PRAME: variants seen among roughly 807,000 people sequenced by gnomAD.
The protein encoded by PRAME is PRAME nuclear receptor transcriptional regulator.
A neutral mutation model predicts 32.1 loss-of-function variants in PRAME; 21 were observed. That is an observed-to-expected ratio of 0.65 (90% CI 0.46 to 0.94). The LOEUF is 0.94. PRAME is among the 40% of genes least tolerant of loss of function. PRAME has a pLI of 0.00. For missense variants in PRAME, 651 were observed against 622.3 expected (o/e 1.05, Z -0.49); for synonymous variants, 274 against 251.5 (o/e 1.09, Z -0.85).
chr22:22,549,513 A>G (rs758303929), intron 5 of PRAME, among the ~76,000 whole-genome samples: 3 of 151,940 alleles, frequency 2.0e-5, no homozygotes, highest in Non-Finnish European at 2.9e-5. Flanking sequence ...AGTCACTGTT[A>G]ATAGCATCTA....
chr22:22,554,986 T>C (rs1298156649), intron 3 of PRAME, among the ~76,000 whole-genome samples: 3 of 151,974 alleles, frequency 2.0e-5, no homozygotes, highest in African/African-American at 7.2e-5. Flanking sequence ...TGCCAGTTTG[T>C]CCAGTGGCAC....
Position 22,550,852 on chromosome 22 carries a change from T to C in PRAME, c.259A>G (p.Met87Val). ...PFTCLPLGVLMKGQHLHLETF... is the reference protein window; with the variant it reads ...PFTCLPLGVLVKGQHLHLETF... ...TCCAGGTGAAGATGTTGTCCCTTCA[T>C]CAGCACTCCCAGAGGGAGGCAGGTG... Residue 87 changes from methionine (M) to valine (V), a missense_variant, in exon 4 of 6, where the codon ATG becomes GTG. By Grantham distance (21) the Met-to-Val change is conservative. Coordinates refer to ENST00000405655, the MANE Select transcript of PRAME (RefSeq NM_206956.3). 1 of 1,613,496 alleles carries C rather than the reference T, an allele frequency of 6.2e-7. No individual in the cohort carries two copies. Among genetic ancestry groups the C allele is most frequent in the Non-Finnish European group, 8.5e-7 (1 of 1,179,728 alleles).
At chr22:22,551,191 C>G (rs1234255215) in intron 3 of PRAME, 102 bp from the exon 4 acceptor site, 2 of 1,104,562 alleles carry the variant, frequency 1.8e-6, no homozygotes, top group African/African-American at 3.2e-5. Flanking sequence ...GCCAAAGTCA[C>G]TGTGCTAGCA....
intron 3 of PRAME, among the ~76,000 whole-genome samples, chr22:22,553,352 GT>G (rs1569224732): frequency 6.6e-6 from 1 of 151,968 alleles, no homozygotes; most frequent in Non-Finnish European, 1.5e-5. Context: ...AGGAAGGTGG[GT>G]CAAAATTACA....
chr22:22,556,166 A>T (rs769003600), intron 3 of PRAME, among the ~76,000 whole-genome samples: 4 of 150,320 alleles, frequency 2.7e-5, no homozygotes, highest in East Asian at 2.0e-4. Context: ...CGCCCAGCTA[A>T]TTTTTTTTCT....
intron 2 of PRAME, chr22:22,557,139 C>T (rs1020126925): frequency 1.0e-5 from 5 of 481,452 alleles, no homozygotes; most frequent in African/African-American, 5.9e-5. Flanking sequence ...CACAAGTGAC[C>T]CCTGTGGTCA....
intron 3 of PRAME, chr22:22,555,935 C>T (rs764760115): frequency 1.7e-5 from 8 of 469,374 alleles, no homozygotes; most frequent in Non-Finnish European, 2.7e-5. Flanking sequence ...CTGATTACCC[C>T]GGGGAAAGGT....
chr22:22,555,589 G>C (rs940637792), intron 3 of PRAME, among the ~76,000 whole-genome samples: 1 of 151,706 alleles, frequency 6.6e-6, no homozygotes, highest in Non-Finnish European at 1.5e-5. Flanking sequence ...GACTGGTCTT[G>C]AACTCCTGGG....
At position 22,548,777 on chromosome 22, in the gene PRAME, G is replaced by A. The variant is rs1044979137; in HGVS notation, c.954-134C>T. 11 of 774,850 alleles carry A rather than the reference G, an allele frequency of 1.4e-5. No homozygotes were observed. In the African/African-American group the frequency reaches 1.9e-4, roughly 14 times the overall value. The allele number at this position is 774,850 out of a possible 1,614,324, so 48.0% of individuals were successfully genotyped here. A position where few individuals can be genotyped will look rare whatever the true frequency, so the allele number is the denominator to read the frequency against. ...CGCCAGGATGCCATGCTGTAACGGA[G>A]CATTCAAGGAGTACAAGTTCAGGTT... On this transcript the variant is annotated intron_variant, in intron 5 of 5. Transcript: ENST00000405655.
At chr22:22,554,250 C>G in intron 3 of PRAME, 1 of 985,040 alleles carries the variant, frequency 1.0e-6, no homozygotes, top group Non-Finnish European at 1.2e-6. Flanking sequence ...CTGTGAAGTC[C>G]CTACAATTCT....
intron 3 of PRAME, among the ~76,000 whole-genome samples, chr22:22,554,451 C>T (rs998520295): frequency 2.0e-5 from 3 of 151,932 alleles, no homozygotes; most frequent in African/African-American, 7.3e-5. Context: ...ACAATTTGTT[C>T]TACATTTCCT....
rs1343978881 is a variant in PRAME at position 22,559,219 on chromosome 22, C to A, written c.-362G>T. 2 of 295,908 alleles carry A rather than the reference C, an allele frequency of 6.8e-6. No homozygotes were observed. Among genetic ancestry groups the A allele is most frequent in the Non-Finnish European group, 1.3e-5 (2 of 150,894 alleles). 18.3% of individuals were successfully genotyped at this position (295,908 alleles called of 1,614,324 possible). On this transcript the variant is annotated 5_prime_UTR_variant, in exon 1 of 6. Coordinates refer to ENST00000405655, the MANE Select transcript of PRAME (RefSeq NM_206956.3). ...GGGAAGCGGGTGGGGTGTCCCGGAG[C>A]GGTGCTGAGGCGCTGCAGGCCCGGC...
At chr22:22,552,216 T>C (rs1410247463) in intron 3 of PRAME, among the ~76,000 whole-genome samples, 1 of 151,046 alleles carries the variant, frequency 6.6e-6, no homozygotes, top group Non-Finnish European at 1.5e-5. Flanking sequence ...TTTTTAACCT[T>C]TTAGTTAAAA....
At chr22:22,555,668 C>T (rs2062862475) in intron 3 of PRAME, among the ~76,000 whole-genome samples, 1 of 151,886 alleles carries the variant, frequency 6.6e-6, no homozygotes, top group African/African-American at 2.4e-5. Flanking sequence ...CCAACAGCAC[C>T]CGAGCACGGT....
At chr22:22,552,354 A>G (rs1414116155) in intron 3 of PRAME, among the ~76,000 whole-genome samples, 1 of 151,068 alleles carries the variant, frequency 6.6e-6, no homozygotes, top group South Asian at 2.1e-4. Context: ...CTTGCCACAT[A>G]CTATTTAAAT....
intron 3 of PRAME, chr22:22,555,742 A>G (rs1166708056): frequency 9.7e-6 from 4 of 411,560 alleles, no homozygotes; most frequent in Non-Finnish European, 2.1e-5. Context: ...TCCCGGCTTC[A>G]ACCCAGGTTG....
In PRAME at chr22:22,549,863, T is replaced by A. The variant is rs773172156; in HGVS notation, c.816A>T (p.Ala272=). 6.2e-7 allele frequency: 1 copy of A among 1,613,786 alleles called. No individual in the cohort carries two copies. The highest frequency in any genetic ancestry group is 8.5e-7 in the Non-Finnish European group (1 of 1,179,956). Residue 272 remains alanine (A), a synonymous_variant, in exon 5 of 6, where the codon GCA becomes GCT. Coordinates refer to ENST00000405655, the MANE Select transcript of PRAME (RefSeq NM_206956.3). ...CCTTCTCCGGGGAAATGTAGGAAGA[T>A]GCATGGATGTGGGAGAGGAGGAGTC... ...LRRLLLSHIH[A]SSYISPEKEE... is the part of the protein sequence containing the mutation.
chr22:22,552,983 T>G (rs1408668373), intron 3 of PRAME: 1 of 468,898 alleles, frequency 2.1e-6, no homozygotes, highest in East Asian at 7.0e-5. Context: ...CTAATTACAT[T>G]CCTGGATCTC....
At position 22,556,926 on chromosome 22, in the gene PRAME, A is replaced by C; in HGVS notation, c.-77-17T>G. On this transcript the variant is annotated splice_polypyrimidine_tract_variant and intron_variant, in intron 2 of 5. Coordinates refer to ENST00000405655, the MANE Select transcript of PRAME (RefSeq NM_206956.3). ...CACGCACGTCTGAGAGTAATAATCA[A>C]AATGCTCCAAAAAGAAGAATACATG... The C allele has an allele frequency of 6.8e-7, 1 of 1,481,404 alleles. No individual in the cohort carries two copies. Among genetic ancestry groups the C allele is most frequent in the South Asian group, 1.1e-5 (1 of 88,282 alleles). The allele number at this position is 1,481,404 out of a possible 1,614,324, so 91.8% of individuals were successfully genotyped here. A position where few individuals can be genotyped will look rare whatever the true frequency, so the allele number is the denominator to read the frequency against.
Sources: gnomAD v4.1 joint callset for allele counts (sites outside exome capture counted in the v4.1 genomes callset) on GRCh38, gnomAD v4.1.1 for gene constraint, MANE v1.5 for transcripts, NCBI Gene and HGNC (gene_info 2026-07-23, HGNC 2026-07-21) for gene names.